SCHIP1: variants seen among roughly 807,000 people sequenced by gnomAD.
SCHIP1 encodes the protein schwannomin interacting protein 1.
A neutral mutation model predicts 29.7 loss-of-function variants in SCHIP1; 8 were observed. That is an observed-to-expected ratio of 0.27 (90% CI 0.16 to 0.49). The LOEUF (loss-of-function observed/expected upper bound fraction) is 0.49. Among genes scored for constraint, SCHIP1 ranks in the 20% least tolerant of loss-of-function variants. The pLI is 0.99. For synonymous variants in SCHIP1, 76 were observed against 94.9 expected (o/e 0.80, Z 1.16); for missense variants, 193 against 294.6 (o/e 0.66, Z 2.52).
chr3:159,688,701 G>A, the SCHIP1 span, among the ~76,000 whole-genome samples: 1 of 152,054 alleles, frequency 6.6e-6, no homozygotes, highest in East Asian at 1.9e-4. Context: ...GTATTGTCTA[G>A]GTTTTCTTCT....
chr3:159,457,640 A>G, the SCHIP1 span, among the ~76,000 whole-genome samples: 1 of 152,240 alleles, frequency 6.6e-6, no homozygotes, highest in African/African-American at 2.4e-5. Context: ...ATGACATATC[A>G]AAGAGAAATA....
At chr3:159,887,272 A>T in intron 3 of SCHIP1, 1 of 165,954 alleles carries the variant, frequency 6.0e-6, no homozygotes, top group South Asian at 1.6e-4. Flanking sequence ...AGGTCTGTCT[A>T]TAGCCTTTTT....
the SCHIP1 span, among the ~76,000 whole-genome samples, chr3:159,441,352 G>A: frequency 6.6e-6 from 1 of 152,102 alleles, no homozygotes; most frequent in Non-Finnish European, 1.5e-5. Context: ...GATGAATACT[G>A]TCTTCAGACT....
the SCHIP1 span, among the ~76,000 whole-genome samples, chr3:159,688,990 G>T: frequency 2.0e-5 from 3 of 152,158 alleles, no homozygotes; most frequent in African/African-American, 7.2e-5. Flanking sequence ...ATGCTGTTTT[G>T]GTTACTGTAG....
the SCHIP1 span, among the ~76,000 whole-genome samples, chr3:159,413,238 G>A: frequency 6.6e-6 from 1 of 152,152 alleles, no homozygotes; most frequent in African/African-American, 2.4e-5. Flanking sequence ...TTTGAGTGGG[G>A]ACATAGAGCC....
the SCHIP1 span, among the ~76,000 whole-genome samples, chr3:159,660,398 C>A: frequency 6.6e-6 from 1 of 152,020 alleles, no homozygotes; most frequent in African/African-American, 2.4e-5. Flanking sequence ...CAAATGAAAG[C>A]GGAGTTTATT....
intron 2 of SCHIP1, among the ~76,000 whole-genome samples, chr3:159,878,720 G>A (rs927991675): frequency 2.7e-5 from 4 of 149,080 alleles, no homozygotes; most frequent in Non-Finnish European, 6.0e-5. Context: ...GGAGCTTGCA[G>A]TGAGCCGAGA....
the SCHIP1 span, among the ~76,000 whole-genome samples, chr3:159,327,669 A>T: frequency 6.6e-6 from 1 of 151,992 alleles, no homozygotes; most frequent in Non-Finnish European, 1.5e-5. Flanking sequence ...TCAGGCTGAT[A>T]TTTTCTTCAT....
At chr3:159,703,541 G>A in the SCHIP1 span, among the ~76,000 whole-genome samples, 31 of 151,976 alleles carry the variant, frequency 2.0e-4, no homozygotes, top group Admixed American at 5.9e-4. Flanking sequence ...AATATTTTAG[G>A]GAAAAAAAAT....
chr3:159,594,910 C>A, the SCHIP1 span, among the ~76,000 whole-genome samples: 1 of 152,118 alleles, frequency 6.6e-6, no homozygotes, highest in Non-Finnish European at 1.5e-5. Flanking sequence ...GGAAGGATGT[C>A]AGGTCTCCAA....
chr3:159,700,538 G>A, the SCHIP1 span, among the ~76,000 whole-genome samples: 1 of 152,084 alleles, frequency 6.6e-6, no homozygotes, highest in Non-Finnish European at 1.5e-5. Flanking sequence ...ATGCAGTTTG[G>A]GCTGGGCATG....
chr3:159,892,306 C>A, intron 6 of SCHIP1, 116 bp downstream of exon 7: 2 of 1,180,508 alleles, frequency 1.7e-6, no homozygotes, highest in Non-Finnish European at 2.4e-6. Context: ...AATAACTCAC[C>A]TAGCCTTTTC....
At chr3:159,679,114 T>C in the SCHIP1 span, among the ~76,000 whole-genome samples, 6 of 152,212 alleles carry the variant, frequency 3.9e-5, no homozygotes, top group African/African-American at 9.7e-5. Flanking sequence ...AGCGTGACTT[T>C]AGAATTTAGT....
At chr3:159,774,808 T>G in the SCHIP1 span, among the ~76,000 whole-genome samples, 15 of 152,246 alleles carry the variant, frequency 9.9e-5, no homozygotes, top group Non-Finnish European at 1.9e-4. Flanking sequence ...TGACTTTGTG[T>G]ATCAGATTTT....
chr3:159,455,152 A>G, the SCHIP1 span, among the ~76,000 whole-genome samples: 1 of 152,106 alleles, frequency 6.6e-6, no homozygotes, highest in Non-Finnish European at 1.5e-5. Context: ...TCTCTAATAT[A>G]TTTGCTCTGT....
the SCHIP1 span, among the ~76,000 whole-genome samples, chr3:159,351,008 T>A: frequency 6.3e-4 from 96 of 152,108 alleles, no homozygotes; most frequent in Non-Finnish European, 1.3e-3. Context: ...TATATAAAAA[T>A]TTAAAAAATA....
chr3:159,648,207 T>C, the SCHIP1 span, among the ~76,000 whole-genome samples: 1 of 152,002 alleles, frequency 6.6e-6, no homozygotes, highest in Admixed American at 6.6e-5. Context: ...GAAAGAGTGT[T>C]GGCCTTACCC....
chr3:159,523,745 T>A, the SCHIP1 span, among the ~76,000 whole-genome samples: 1 of 152,236 alleles, frequency 6.6e-6, no homozygotes, highest in African/African-American at 2.4e-5. Context: ...CTCCAACCAG[T>A]AGGGCCTACC....
chr3:159,366,532 A>G, the SCHIP1 span, among the ~76,000 whole-genome samples: 1 of 143,116 alleles, frequency 7.0e-6, no homozygotes, highest in African/African-American at 2.7e-5. Context: ...CCTGATCTGT[A>G]AAAATTAGTT....
Sources: gnomAD v4.1 joint callset for allele counts (sites outside exome capture counted in the v4.1 genomes callset) on GRCh38, gnomAD v4.1.1 for gene constraint, MANE v1.5 for transcripts, NCBI Gene and HGNC (gene_info 2026-07-23, HGNC 2026-07-21) for gene names.